The following ZMIZ1 variants were observed in gnomAD, a reference collection of about 807,000 sequenced individuals.
ZMIZ1 encodes the protein zinc finger MIZ-type containing 1.
Under a neutral mutation model 113.9 loss-of-function variants are expected in ZMIZ1, and 17 were observed. The observed-to-expected ratio is 0.15, with a 90% confidence interval of 0.10 to 0.22. ZMIZ1 has a LOEUF of 0.22. Among genes scored for constraint, ZMIZ1 ranks in the 10% least tolerant of loss-of-function variants. ZMIZ1 has a pLI of 1.00. For missense variants in ZMIZ1, 1,059 were observed against 1,477.8 expected, an observed-to-expected ratio of 0.72 and a Z score of 4.65; for synonymous variants, 607 against 603.1, an observed-to-expected ratio of 1.01 and a Z score of -0.09.
chr10:79,234,853 C>A (rs1281542869), intron 7 of ZMIZ1, among the ~76,000 whole-genome samples: 1 of 151,800 alleles, frequency 6.6e-6, no homozygotes, highest in Non-Finnish European at 1.5e-5. Context: ...AGGCCAGTGC[C>A]CCCGGCAGCA....
At chr10:79,303,459 A>AT (rs1854470569) in intron 18 of ZMIZ1, among the ~76,000 whole-genome samples, 1 of 150,280 alleles carries the variant, frequency 6.7e-6, no homozygotes, top group Admixed American at 6.6e-5. Context: ...TGCCACAAAA[A>AT]AAAAAAAAAA....
In ZMIZ1 at chr10:79,208,381, C is replaced by T. The variant is rs753141435; in HGVS notation, c.106C>T (p.Leu36=). The T allele has an allele frequency of 1.1e-4, 177 of 1,614,056 alleles. No individual in the cohort carries two copies. The highest frequency in any genetic ancestry group is 1.4e-4 in the Non-Finnish European group (164 of 1,180,056). Reference sequence around the variant, plus strand: ...CTTCCACAATGCCGCCACGGAGCTGCTGGACTGGTGCGGAGACCCACGGGC... The same window carrying T: ...CTTCCACAATGCCGCCACGGAGCTGTTGGACTGGTGCGGAGACCCACGGGC... ...ANFHNAATEL[L]DWCGDPRAFQ... is the part of the protein sequence containing the mutation. The change falls in exon 6 of 25, where the codon CTG becomes TTG. Residue 36 remains leucine (L), a synonymous_variant. Transcript: ENST00000334512.
At chr10:79,159,367 T>A (rs978611862) in intron 3 of ZMIZ1, among the ~76,000 whole-genome samples, 1 of 152,200 alleles carries the variant, frequency 6.6e-6, no homozygotes, top group Non-Finnish European at 1.5e-5. Flanking sequence ...TGGCACAGGC[T>A]CCTGGTTCCT....
intron 1 of ZMIZ1, among the ~76,000 whole-genome samples, chr10:79,073,518 C>T (rs1182507678): frequency 1.3e-5 from 2 of 152,164 alleles, no homozygotes; most frequent in East Asian, 1.9e-4. Flanking sequence ...TGCTACATGC[C>T]TTCTGCAAAT....
chr10:79,289,175 G>A (rs564654574), intron 8 of ZMIZ1, among the ~76,000 whole-genome samples: 115 of 152,222 alleles, frequency 7.6e-4, no homozygotes, highest in Admixed American at 2.9e-3. Flanking sequence ...ATGAGAGATC[G>A]GGGTGGGGGC....
chr10:79,239,353 A>G (rs1371622558), intron 7 of ZMIZ1, among the ~76,000 whole-genome samples: 2 of 152,136 alleles, frequency 1.3e-5, no homozygotes, highest in African/African-American at 4.8e-5. Context: ...GTGTCCTGAG[A>G]AGGACCAGGG....
At chr10:79,136,298 A>G (rs1350520870) in intron 2 of ZMIZ1, among the ~76,000 whole-genome samples, 1 of 152,220 alleles carries the variant, frequency 6.6e-6, no homozygotes, top group Non-Finnish European at 1.5e-5. Flanking sequence ...GGGCAGGCCC[A>G]GCTCGTCTCT....
chr10:79,252,261 G>A (rs978548743), intron 7 of ZMIZ1, among the ~76,000 whole-genome samples: 1 of 151,890 alleles, frequency 6.6e-6, no homozygotes, highest in Non-Finnish European at 1.5e-5. Flanking sequence ...CCTACCAGGG[G>A]CCCATAATCC....
chr10:79,222,669 G>C (rs778282338), intron 7 of ZMIZ1, among the ~76,000 whole-genome samples: 1 of 152,146 alleles, frequency 6.6e-6, no homozygotes, highest in Non-Finnish European at 1.5e-5. Context: ...AATGCAAAGG[G>C]GTCCCTGTCT....
At chr10:79,110,693 G>A (rs1405444740) in intron 1 of ZMIZ1, among the ~76,000 whole-genome samples, 1 of 152,248 alleles carries the variant, frequency 6.6e-6, no homozygotes, top group Non-Finnish European at 1.5e-5. Flanking sequence ...TATGGTGGCT[G>A]CACCACAGCT....
chr10:79,215,487 C>T (rs58567879), intron 6 of ZMIZ1, among the ~76,000 whole-genome samples: 10,199 of 151,990 alleles, frequency 0.067, 824 homozygotes, highest in African/African-American at 0.19. Flanking sequence ...TTAGGAGAGA[C>T]GGGGTTTCAC....
intron 1 of ZMIZ1, among the ~76,000 whole-genome samples, chr10:79,103,699 C>G (rs902732695): frequency 6.6e-6 from 1 of 152,094 alleles, no homozygotes; most frequent in East Asian, 1.9e-4. Flanking sequence ...CACCAGGCCC[C>G]AGGCTGGCAA....
chr10:79,243,664 C>G (rs1202698064), intron 7 of ZMIZ1: 1 of 300,872 alleles, frequency 3.3e-6, no homozygotes, highest in East Asian at 1.6e-4. Flanking sequence ...CGGAGTCGCT[C>G]GCCGCGGCCG....
intron 4 of ZMIZ1, among the ~76,000 whole-genome samples, chr10:79,183,191 G>A (rs1815364710): frequency 1.3e-5 from 2 of 152,246 alleles, no homozygotes; most frequent in African/African-American, 4.8e-5. Flanking sequence ...AGCCAAGGCT[G>A]GTGGGGAGGC....
intron 7 of ZMIZ1, among the ~76,000 whole-genome samples, chr10:79,244,547 G>A (rs1008178216): frequency 1.3e-5 from 2 of 152,176 alleles, no homozygotes; most frequent in African/African-American, 2.4e-5. Context: ...TCTTTAGACG[G>A]GTTTCAGGAG....
At chr10:79,251,281 G>C (rs368289377) in intron 7 of ZMIZ1, among the ~76,000 whole-genome samples, 2 of 152,212 alleles carry the variant, frequency 1.3e-5, no homozygotes, top group African/African-American at 4.8e-5. Flanking sequence ...CTGTAGAACC[G>C]GAGACTAGTA....
At chr10:79,196,846 T>G (rs1342300549) in intron 4 of ZMIZ1, among the ~76,000 whole-genome samples, 1 of 152,210 alleles carries the variant, frequency 6.6e-6, no homozygotes, top group Non-Finnish European at 1.5e-5. Flanking sequence ...GACTTGCCCC[T>G]CTGCAGCATC....
At chr10:79,233,459 G>A (rs897942269) in intron 7 of ZMIZ1, among the ~76,000 whole-genome samples, 1 of 152,220 alleles carries the variant, frequency 6.6e-6, no homozygotes, top group Admixed American at 6.5e-5. Flanking sequence ...TGCAAAGAGC[G>A]CCCTCAAGCC....
At position 79,075,029 on chromosome 10, in the gene ZMIZ1, T is replaced by C. The variant is rs947585931; in HGVS notation, c.-337+5759T>C. Among the ~76,000 whole-genome samples the C allele has an allele frequency of 7.9e-5, 12 of 152,244 alleles. No individual in the cohort carries two copies. In the South Asian group the frequency reaches 1.9e-3, roughly 24 times the overall value. On this transcript the variant is annotated intron_variant, in intron 1 of 24. Transcript: ENST00000334512. ...CTAATCCTGTTAGTCTGGCTGTAAT[T>C]GTAACCACTTGAAGGTTTCGGCTGT...
Sources: gnomAD v4.1 joint callset for allele counts (sites outside exome capture counted in the v4.1 genomes callset) on GRCh38, gnomAD v4.1.1 for gene constraint, MANE v1.5 for transcripts, NCBI Gene and HGNC (gene_info 2026-07-23, HGNC 2026-07-21) for gene names.